Variants in DERA observed in about 807,000 individuals in gnomAD.
DERA encodes the protein deoxyribose-phosphate aldolase.
A neutral mutation model predicts 41.1 loss-of-function variants in DERA; 15 were observed. That is an observed-to-expected ratio of 0.37 (90% CI 0.24 to 0.56). DERA has a LOEUF of 0.56. Ranked by LOEUF, DERA falls within the 20% of genes least tolerant of loss-of-function variation. DERA has a pLI of 0.81. For synonymous variants in DERA, 139 were observed against 137.4 expected, an observed-to-expected ratio of 1.01 and a Z score of -0.08; for missense variants, 396 against 403.4, an observed-to-expected ratio of 0.98 and a Z score of 0.16.
chr12:15,984,535 G>C lies in DERA; in HGVS notation c.637+2099G>C, dbSNP rs751268435. ...AGGTACATTGAAACAATATTCCTTC[G>C]TCCTCACATCAGTCCTGGAGTGGAA... On this transcript the variant is annotated intron_variant, in intron 6 of 8. Transcript: ENST00000428559. The surrounding 1 kb of genome is among the most constrained non-coding windows in gnomAD (Gnocchi z 4.5). 6.6e-6 allele frequency among the ~76,000 whole-genome samples: 1 copy of C among 152,006 alleles called. No individual in the cohort carries two copies. The highest frequency in any genetic ancestry group is 1.5e-5 in the Non-Finnish European group (1 of 68,002).
At position 15,922,474 on chromosome 12, in the gene DERA, A is replaced by G. The variant is rs535300316; in HGVS notation, c.31+11060A>G. Among the ~76,000 whole-genome samples, 10 of 152,328 alleles carry G rather than the reference A, an allele frequency of 6.6e-5. No homozygotes were observed. In the East Asian group the frequency reaches 1.3e-3, roughly 21 times the overall value. On this transcript the variant is annotated intron_variant, in intron 1 of 8. Coordinates refer to ENST00000428559, the MANE Select transcript of DERA (RefSeq NM_015954.4). The surrounding 1 kb of genome is among the most constrained non-coding windows in gnomAD (Gnocchi z 4.9). ...ATTTGACTGAGTGTTGCATTAAACT[A>G]CTAATATAGAGAAATTTTGGGACAC...
chr12:16,037,339 GA>G lies in DERA; in HGVS notation c.*599del, dbSNP rs1197667751. The G allele has an allele frequency of 2.0e-5, 3 of 152,004 alleles. No individual in the cohort carries two copies. Among genetic ancestry groups the G allele is most frequent in the Non-Finnish European group, 4.4e-5 (3 of 68,038 alleles). The allele number at this position is 152,004 out of a possible 1,614,324, so 9.4% of individuals were successfully genotyped here. The stretch of plus-strand genomic sequence containing the variant: ...CTTAAAAATTGTTACAATACATAAT[GA>G]AAAAATAATCCATTAAACATAAAAA... On this transcript the variant is annotated 3_prime_UTR_variant, in exon 9 of 9. Transcript: ENST00000428559. The surrounding 1 kb of genome is among the most constrained non-coding windows in gnomAD (Gnocchi z 6.7).
In DERA at chr12:15,943,127, A is replaced by G. The variant is rs1416657229; in HGVS notation, c.32-13809A>G. Among the ~76,000 whole-genome samples the G allele has an allele frequency of 6.6e-6, 1 of 152,214 alleles. No homozygotes were observed. The highest frequency in any genetic ancestry group is 1.5e-5 in the Non-Finnish European group (1 of 68,046). The stretch of plus-strand genomic sequence containing the variant: ...TCCACACACTTACCTGAGGCTGTTT[A>G]TGGGTAGTGAGCAGAGGAAGCTCTT... On this transcript the variant is annotated intron_variant, in intron 1 of 8. Transcript: ENST00000428559. This position sits in a 1 kb window ranked among gnomAD's most constrained non-coding sequence, Gnocchi z 4.5.
At chr12:15,926,532 C>G (rs561764195) in intron 1 of DERA, among the ~76,000 whole-genome samples, 2 of 151,852 alleles carry the variant, frequency 1.3e-5, no homozygotes, top group Middle Eastern at 6.8e-3. Flanking sequence ...ATGAGGAGAT[C>G]GAGACCATCC....
chr12:15,911,448 C>T lies in DERA; in HGVS notation c.31+34C>T. The stretch of plus-strand genomic sequence containing the variant: ...CCCGCGGGGCTCCCCATCCCCTCTC[C>T]CTCGCGTTCAGCGCCGCCGGGACTA... On this transcript the variant is annotated intron_variant, in intron 1 of 8. Transcript: ENST00000428559. The surrounding 1 kb of genome is among the most constrained non-coding windows in gnomAD (Gnocchi z 4.5). 2 of 1,411,454 alleles carry T rather than the reference C, an allele frequency of 1.4e-6. No individual in the cohort carries two copies. The highest frequency in any genetic ancestry group is 3.1e-5 in the South Asian group (2 of 65,290). The allele number at this position is 1,411,454 out of a possible 1,614,324, so 87.4% of individuals were successfully genotyped here.
chr12:15,948,693 T>C (rs1417192713), intron 1 of DERA, among the ~76,000 whole-genome samples: 1 of 152,224 alleles, frequency 6.6e-6, no homozygotes, highest in Non-Finnish European at 1.5e-5. Flanking sequence ...CTATCTTCTC[T>C]CAACTCGTCA....
At chr12:16,018,359 A>C (rs963595) in intron 6 of DERA, among the ~76,000 whole-genome samples, 151,696 of 152,250 alleles carry the variant, frequency 1, 75,574 homozygotes, top group Middle Eastern at 1. Flanking sequence ...ATTTAATAAC[A>C]ATTATCCATT....
intron 6 of DERA, among the ~76,000 whole-genome samples, chr12:16,006,062 G>A (rs1481773459): frequency 1.3e-5 from 2 of 152,156 alleles, no homozygotes; most frequent in Non-Finnish European, 2.9e-5. Flanking sequence ...CTATTTAAAG[G>A]ATGTAACACG....
Position 15,940,575 on chromosome 12 carries a change from TCTC to T in DERA, c.32-16358_32-16356del, listed in dbSNP as rs942436053. On this transcript the variant is annotated intron_variant, in intron 1 of 8. Transcript: ENST00000428559. The surrounding 1 kb of genome is among the most constrained non-coding windows in gnomAD (Gnocchi z 5.1). ...ACCATGTTAGCCAAGATGGTCTTGA[TCTC>T]CTGACCTCGTGATCTGCCCTCCTCG... Among the ~76,000 whole-genome samples the T allele has an allele frequency of 1.8e-4, 28 of 152,246 alleles. No homozygotes were observed. The highest frequency in any genetic ancestry group is 6.7e-4 in the African/African-American group (28 of 41,550).
chr12:15,923,241 C>T (rs1405073146), intron 1 of DERA, among the ~76,000 whole-genome samples: 1 of 151,660 alleles, frequency 6.6e-6, no homozygotes, highest in African/African-American at 2.4e-5. Flanking sequence ...CCGGGATGGT[C>T]TCGATCTCCT....
intron 4 of DERA, among the ~76,000 whole-genome samples, chr12:15,961,064 G>A (rs1158478003): frequency 6.6e-6 from 1 of 152,198 alleles, no homozygotes; most frequent in Non-Finnish European, 1.5e-5. Flanking sequence ...GAGGCGTGAC[G>A]TGATCAGCTT....
At chr12:16,025,143 G>A (rs1046379076) in intron 6 of DERA, among the ~76,000 whole-genome samples, 2 of 151,966 alleles carry the variant, frequency 1.3e-5, no homozygotes, top group Admixed American at 6.6e-5. Context: ...AGAAAAATAG[G>A]TGTCAAAATT....
intron 6 of DERA, among the ~76,000 whole-genome samples, chr12:16,029,731 G>A (rs1031563137): frequency 6.6e-6 from 1 of 151,988 alleles, no homozygotes; most frequent in Non-Finnish European, 1.5e-5. Flanking sequence ...GTAGGCCACT[G>A]TAGCTACTGC....
At chr12:16,024,931 A>G (rs1180477955) in intron 6 of DERA, among the ~76,000 whole-genome samples, 1 of 152,200 alleles carries the variant, frequency 6.6e-6, no homozygotes, top group East Asian at 1.9e-4. Context: ...GTTATAAGAC[A>G]CAGGAGAAAA....
chr12:15,974,523 C>G (rs1381161603), intron 5 of DERA, among the ~76,000 whole-genome samples: 1 of 152,152 alleles, frequency 6.6e-6, no homozygotes, highest in Non-Finnish European at 1.5e-5. Context: ...CTCCGTTCTT[C>G]TCAATGCATT....
At chr12:15,927,802 ATCTG>A (rs1948298448) in intron 1 of DERA, among the ~76,000 whole-genome samples, 3 of 152,318 alleles carry the variant, frequency 2.0e-5, no homozygotes, top group South Asian at 4.1e-4. Context: ...GCTGCTAATT[ATCTG>A]TCTTTTTTAA....
chr12:15,914,387 A>G lies in DERA; in HGVS notation c.31+2973A>G, dbSNP rs929083308. ...AGACTGGAGACAGACTGTGTCTCAA[A>G]AAAGATAAAAAAAAAAAAAAAAAAA... On this transcript the variant is annotated intron_variant, in intron 1 of 8. Coordinates refer to ENST00000428559, the MANE Select transcript of DERA (RefSeq NM_015954.4). 6.0e-5 allele frequency among the ~76,000 whole-genome samples: 9 copies of G among 150,656 alleles called. No individual in the cohort carries two copies. In the South Asian group the frequency reaches 1.9e-3, roughly 31 times the overall value.
Position 15,976,931 on chromosome 12 carries a change from T to A in DERA, c.509-5377T>A, listed in dbSNP as rs1425001340. Among the ~76,000 whole-genome samples the A allele has an allele frequency of 6.6e-6, 1 of 152,174 alleles. No homozygotes were observed. Among genetic ancestry groups the A allele is most frequent in the Non-Finnish European group, 1.5e-5 (1 of 68,036 alleles). On this transcript the variant is annotated intron_variant, in intron 5 of 8. Coordinates refer to ENST00000428559, the MANE Select transcript of DERA (RefSeq NM_015954.4). The surrounding 1 kb of genome is among the most constrained non-coding windows in gnomAD (Gnocchi z 4.1). ...TCTACTGTAGCACCATACCCTGGTT[T>A]TCTTCCCATCCAGGGGGCTAAAAGA...
Position 16,029,913 on chromosome 12 carries a change from C to CTTTTTT in DERA, c.638-2607_638-2602dup, listed in dbSNP as rs71438364. ...TCAGACCTCCAAATGTAGCCTTGGT[C>CTTTTTT]TTTTTTTTTTTTTTTTTTTTTTTTT... On this transcript the variant is annotated intron_variant, in intron 6 of 8. Transcript: ENST00000428559. Among the ~76,000 whole-genome samples the CTTTTTT allele has an allele frequency of 8.0e-3, 475 of 59,718 alleles. 138 individuals are homozygous for CTTTTTT. Among genetic ancestry groups the CTTTTTT allele is most frequent in the Middle Eastern group, 0.021 (1 of 48 alleles). 39.2% of individuals were successfully genotyped at this position (59,718 alleles called of 152,430 possible). A position where few individuals can be genotyped will look rare whatever the true frequency, so the allele number is the denominator to read the frequency against.
Sources: allele counts gnomAD v4.1 joint callset (sites outside exome capture counted in the v4.1 genomes callset), GRCh38; gene constraint gnomAD v4.1.1; non-coding constraint Gnocchi (gnomAD v3.1); transcripts MANE v1.5; gene names NCBI Gene and HGNC (gene_info 2026-07-23, HGNC 2026-07-21).